The following USP24 variants were observed in gnomAD, a reference collection of about 807,000 sequenced individuals.
The protein encoded by USP24 is ubiquitin carboxyl-terminal hydrolase 24.
Under a neutral mutation model 361.6 loss-of-function variants are expected in USP24, and 97 were observed. The ratio of observed to expected loss-of-function variants is 0.27; its 90% CI spans 0.23 to 0.32. The LOEUF is 0.32. Among genes scored for constraint, USP24 ranks in the 10% least tolerant of loss-of-function variants. The pLI is 1.00. For synonymous variants in USP24, 1,098 were observed against 1,124.6 expected, an observed-to-expected ratio of 0.98 and a Z score of 0.47; for missense variants, 2,353 against 3,165.6, an observed-to-expected ratio of 0.74 and a Z score of 6.16.
chr1:55,209,162 C>T (rs986861908), intron 1 of USP24, among the ~76,000 whole-genome samples: 1 of 152,024 alleles, frequency 6.6e-6, no homozygotes, highest in African/African-American at 2.4e-5. Context: ...AAGCACAACT[C>T]TCTTAGTCGT....
chr1:55,078,035 TA>T (rs1452877457), intron 61 of USP24, among the ~76,000 whole-genome samples: 1 of 152,218 alleles, frequency 6.6e-6, no homozygotes, highest in Non-Finnish European at 1.5e-5. Flanking sequence ...AATAAGAGCC[TA>T]AAGACATAAT....
intron 43 of USP24, 70 bp from the exon 44 acceptor site, chr1:55,101,034 C>T (rs1464094367): frequency 6.6e-7 from 1 of 1,514,216 alleles, no homozygotes; most frequent in Non-Finnish European, 8.9e-7. Flanking sequence ...GACATATGTA[C>T]ATGTTAGTAC....
chr1:55,200,170 T>C (rs1007650311), intron 1 of USP24, among the ~76,000 whole-genome samples: 8 of 152,216 alleles, frequency 5.3e-5, no homozygotes, highest in African/African-American at 1.4e-4. Context: ...TTTCCAAACT[T>C]TATCAAGTAT....
At chr1:55,202,046 G>A (rs373724710) in intron 1 of USP24, among the ~76,000 whole-genome samples, 4 of 152,184 alleles carry the variant, frequency 2.6e-5, no homozygotes, top group African/African-American at 7.2e-5. Context: ...GAAAATGCAC[G>A]TGCACAGGCA....
intron 12 of USP24, among the ~76,000 whole-genome samples, chr1:55,155,778 A>C (rs2100746553): frequency 6.6e-6 from 1 of 152,302 alleles, no homozygotes; most frequent in South Asian, 2.1e-4. Flanking sequence ...CGTCTGGCTT[A>C]GGTTCAGAGT....
rs570363729 is a variant in USP24, at chr1:55,178,049, C to T, written c.408G>A (p.Leu136=). The T allele has an allele frequency of 8.0e-4, 1,241 of 1,551,606 alleles. 20 individuals are homozygous for T. In the South Asian group the frequency reaches 0.012, roughly 15 times the overall value. ...TNLYELESRV[L]TDHWSIPYKR... ...TGTAAGGGATGGACCAATGATCAGT[C>T]AAAACACGGCTTTCCAGTTCATATA... is the stretch of plus-strand genomic sequence containing the variant. The change falls in exon 2 of 68, where the codon TTG becomes TTA. Residue 136 remains leucine (L), a synonymous_variant. Transcript: ENST00000294383.
intron 3 of USP24, among the ~76,000 whole-genome samples, chr1:55,174,221 A>G (rs1344818116): frequency 6.6e-6 from 1 of 152,222 alleles, no homozygotes; most frequent in African/African-American, 2.4e-5. Context: ...AAAATGTGTG[A>G]CAGCTCGTGA....
At chr1:55,203,448 A>G (rs1010818096) in intron 1 of USP24, among the ~76,000 whole-genome samples, 12 of 152,240 alleles carry the variant, frequency 7.9e-5, no homozygotes, top group African/African-American at 2.9e-4. Context: ...TGAAACAAAT[A>G]ATCAATTTTA....
In USP24 at chr1:55,097,708, C is replaced by T. The variant is rs772360272; in HGVS notation, c.5605G>A (p.Val1869Met). The change falls in exon 48 of 68, where the codon GTG becomes ATG. Residue 1869 changes from valine to methionine, a missense_variant. Transcript: ENST00000294383. ...AAAGATTTAATACAGGTCCTTTTCA[C>T]TGTTATTCTCTAAAGAAAAAAAAAA... ...CEKCKEKRIT[V>M]KRTCIKSLPS... 1.2e-5 allele frequency: 19 copies of T among 1,542,588 alleles called. No homozygotes were observed. Among genetic ancestry groups the T allele is most frequent in the Non-Finnish European group, 1.6e-5 (18 of 1,149,240 alleles).
intron 2 of USP24, among the ~76,000 whole-genome samples, 159 bp from the exon 3 acceptor site, chr1:55,176,602 C>T (rs2100819297): frequency 6.6e-6 from 1 of 152,140 alleles, no homozygotes; most frequent in East Asian, 1.9e-4. Flanking sequence ...GTCATAGGAA[C>T]CTTAGTTCTT....
At chr1:55,171,518 C>A (rs1435528511) in intron 5 of USP24, 38 bp downstream of exon 5, 5 of 1,569,318 alleles carry the variant, frequency 3.2e-6, no homozygotes, top group Non-Finnish European at 4.3e-6. Context: ...TTTTTCAATA[C>A]ATTTTTCTAT....
intron 1 of USP24, among the ~76,000 whole-genome samples, chr1:55,199,520 T>A (rs1364617744): frequency 6.6e-6 from 1 of 151,956 alleles, no homozygotes; most frequent in Non-Finnish European, 1.5e-5. Context: ...CTTAGGAGAT[T>A]CACATTAAAG....
At chr1:55,148,371 T>C (rs1228154617) in intron 17 of USP24, 92 bp downstream of exon 17, 10 of 864,088 alleles carry the variant, frequency 1.2e-5, no homozygotes, top group Admixed American at 1.1e-4. Context: ...AACATAAAGA[T>C]AGTGACTATA....
In USP24 at chr1:55,154,422, G is replaced by T. The variant is rs374495271; in HGVS notation, c.1599C>A (p.Ser533Arg). 1.5e-5 allele frequency: 24 copies of T among 1,551,440 alleles called. No individual in the cohort carries two copies. In the African/African-American group the frequency reaches 3.1e-4, roughly 20 times the overall value. Reference sequence around the variant, plus strand: ...CTTCCCGGCCTATTCGTCCAATCAGGCTCAAAAGCTTCTGTCTTACTCTAT... The same window carrying T: ...CTTCCCGGCCTATTCGTCCAATCAGTCTCAAAAGCTTCTGTCTTACTCTAT... Reference protein sequence around the residue: ...ESDRVRQKLLSLIGRIGREAR... With the variant: ...ESDRVRQKLLRLIGRIGREAR... The change falls in exon 14 of 68, where the codon AGC becomes AGA. Residue 533 changes from serine (S) to arginine (R), a missense_variant. By Grantham distance (110) the Ser-to-Arg change is moderately radical (BLOSUM62 -1). Coordinates refer to ENST00000294383, the MANE Select transcript of USP24 (RefSeq NM_015306.3).
In USP24 at chr1:55,170,803, TTTTCGTA is replaced by T. The variant is rs1393800649; in HGVS notation, c.825+746_825+752del. Among the ~76,000 whole-genome samples the T allele has an allele frequency of 4.2e-4, 64 of 152,296 alleles. 1 individual carries two copies. Among genetic ancestry groups the T allele is most frequent in the African/African-American group, 1.5e-3 (62 of 41,560 alleles). The stretch of plus-strand genomic sequence containing the variant: ...TATTTATTATGCTGTCATTTTTTTG[TTTTCGTA>T]TTTCCTCCACTATACTACAAGCTAG... On this transcript the variant is annotated intron_variant, in intron 5 of 67. Coordinates refer to ENST00000294383, the MANE Select transcript of USP24 (RefSeq NM_015306.3).
chr1:55,119,814 T>C lies in USP24; in HGVS notation c.4508+782A>G, dbSNP rs183402592. Among the ~76,000 whole-genome samples, 31 of 152,250 alleles carry C rather than the reference T, an allele frequency of 2.0e-4. No individual in the cohort carries two copies. In the East Asian group the frequency reaches 6.0e-3, roughly 29 times the overall value. On this transcript the variant is annotated intron_variant, in intron 38 of 67. Coordinates refer to ENST00000294383, the MANE Select transcript of USP24 (RefSeq NM_015306.3). ...GAGGCATTTTTTCCTATATAGAAAATTTTAATTTTTATGGAGTCAAATTTA... is the reference window on the plus strand; with the variant it reads ...GAGGCATTTTTTCCTATATAGAAAACTTTAATTTTTATGGAGTCAAATTTA...
chr1:55,137,897 C>G lies in USP24; in HGVS notation c.2936G>C (p.Ser979Thr). The change falls in exon 27 of 68, where the codon AGT becomes ACT. Residue 979 changes from serine to threonine, a missense_variant. This residue lies in a region of USP24 where 949 missense variants were observed against 1,280.5 expected (regional missense o/e 0.74). Transcript: ENST00000294383. ...CCGGACACTCCCTATGGTTTCATTA[C>G]TGTGAGCCTGTAAAATAAAATTAAA... ...TKDTFTVEAH[S>T]NETIGSVRWK... is the part of the protein sequence containing the mutation. The G allele has an allele frequency of 6.3e-7, 1 of 1,583,616 alleles. No individual in the cohort carries two copies. Among genetic ancestry groups the G allele is most frequent in the Non-Finnish European group, 8.6e-7 (1 of 1,163,674 alleles).
chr1:55,105,070 G>C (rs1645734449), intron 41 of USP24, among the ~76,000 whole-genome samples: 2 of 152,074 alleles, frequency 1.3e-5, no homozygotes, highest in African/African-American at 2.4e-5. Flanking sequence ...TTTTAATCAA[G>C]GCACTGTATA....
chr1:55,101,491 G>T, intron 43 of USP24, 93 bp downstream of exon 43: 1 of 1,513,276 alleles, frequency 6.6e-7, no homozygotes. Context: ...TCTTGTTTTA[G>T]GAAACCCCAA....
Sources: gnomAD v4.1 joint callset for allele counts (sites outside exome capture counted in the v4.1 genomes callset) on GRCh38, gnomAD v4.1.1 for gene constraint, gnomAD v4.1.1 regional missense constraint, MANE v1.5 for transcripts, NCBI Gene and HGNC (gene_info 2026-07-23, HGNC 2026-07-21) for gene names.